Variants in TTC29 observed in about 807,000 individuals in gnomAD.
The protein encoded by TTC29 is tetratricopeptide repeat domain 29, also known as tetratricopeptide repeat protein 29.
Under a neutral mutation model 58.1 loss-of-function variants are expected in TTC29, and 49 were observed. That is an observed-to-expected ratio of 0.84 (90% confidence interval 0.67 to 1.07). The LOEUF (loss-of-function observed/expected upper bound fraction) is 1.07. TTC29 is among the 50% of genes least tolerant of loss of function. The probability of loss-of-function intolerance (pLI) is 0.00; values close to 1 mark genes in which losing one functional copy is unlikely to be tolerated. For missense variants in TTC29, 582 were observed against 555.6 expected, an observed-to-expected ratio of 1.05 and a Z score of -0.48; for synonymous variants, 209 against 196.8, an observed-to-expected ratio of 1.06 and a Z score of -0.52.
intron 11 of TTC29, among the ~76,000 whole-genome samples, chr4:146,751,779 A>T (rs904013356): frequency 2.0e-5 from 3 of 152,188 alleles, no homozygotes; most frequent in African/African-American, 7.2e-5. Flanking sequence ...GTTTAACATT[A>T]TACCTCCAGG....
chr4:146,839,879 AAGG>A (rs1414956724), intron 8 of TTC29, among the ~76,000 whole-genome samples: 2 of 151,984 alleles, frequency 1.3e-5, no homozygotes, highest in Non-Finnish European at 2.9e-5. Context: ...GATAGAAAAA[AAGG>A]AGTTGACTGA....
At chr4:146,845,084 T>C (rs927675021) in intron 8 of TTC29, among the ~76,000 whole-genome samples, 1 of 152,152 alleles carries the variant, frequency 6.6e-6, no homozygotes, top group Admixed American at 6.5e-5. Context: ...TTGCTTCTCC[T>C]GGGAATTCGT....
At chr4:146,814,818 T>G (rs955852178) in intron 10 of TTC29, among the ~76,000 whole-genome samples, 5 of 150,870 alleles carry the variant, frequency 3.3e-5, no homozygotes, top group African/African-American at 9.8e-5. Context: ...AGAGGTGGCA[T>G]TGAACAGAGA....
intron 11 of TTC29, among the ~76,000 whole-genome samples, chr4:146,802,955 G>A (rs933006346): frequency 1.3e-5 from 2 of 151,950 alleles, no homozygotes; most frequent in African/African-American, 4.8e-5. Context: ...CAATTCTATT[G>A]AATAAGAAAA....
rs192814886 is a variant in TTC29 at position 146,930,565 on chromosome 4, G to A, written c.176+7029C>T. Among the ~76,000 whole-genome samples, 68 of 152,290 alleles carry A rather than the reference G, an allele frequency of 4.5e-4. No individual in the cohort carries two copies. In the East Asian group the frequency reaches 6.7e-3, roughly 15 times the overall value. On this transcript the variant is annotated intron_variant, in intron 4 of 12. Coordinates refer to ENST00000325106, the MANE Select transcript of TTC29 (RefSeq NM_031956.4). ...CAATATAGAAAACAGAACAGGATAC[G>A]GGTATAGGCCAGGGAGATGATTTCT...
chr4:146,751,372 A>G (rs1481821190), intron 11 of TTC29, among the ~76,000 whole-genome samples: 2 of 152,244 alleles, frequency 1.3e-5, no homozygotes, highest in Non-Finnish European at 2.9e-5. Context: ...ACTTACAAAC[A>G]TATACAGAAC....
intron 11 of TTC29, among the ~76,000 whole-genome samples, chr4:146,770,916 G>C (rs1747675120): frequency 6.6e-6 from 1 of 152,026 alleles, no homozygotes; most frequent in Non-Finnish European, 1.5e-5. Context: ...ACATTTGTAA[G>C]AATAAATGAG....
At chr4:146,888,229 G>T (rs142923509) in intron 6 of TTC29, among the ~76,000 whole-genome samples, 1 of 152,116 alleles carries the variant, frequency 6.6e-6, no homozygotes, top group Non-Finnish European at 1.5e-5. Context: ...CATCCTCTAC[G>T]TAGAACTACA....
At chr4:146,880,783 T>G (rs1731572893) in intron 6 of TTC29, among the ~76,000 whole-genome samples, 2 of 152,094 alleles carry the variant, frequency 1.3e-5, no homozygotes, top group Non-Finnish European at 2.9e-5. Flanking sequence ...TTGATGCACA[T>G]TTTTGATTCT....
At chr4:146,934,992 T>C (rs1735665804) in intron 4 of TTC29, among the ~76,000 whole-genome samples, 1 of 152,008 alleles carries the variant, frequency 6.6e-6, no homozygotes, top group Admixed American at 6.6e-5. Context: ...TAGATCAAAA[T>C]GGGGTAGAAC....
intron 11 of TTC29, among the ~76,000 whole-genome samples, chr4:146,723,619 G>A (rs867770266): frequency 1.3e-5 from 2 of 152,148 alleles, no homozygotes; most frequent in Admixed American, 6.5e-5. Flanking sequence ...GCCAACAAAC[G>A]TATGAGAAAG....
At chr4:146,783,167 A>C (rs1030476973) in intron 11 of TTC29, among the ~76,000 whole-genome samples, 1 of 152,052 alleles carries the variant, frequency 6.6e-6, no homozygotes, top group African/African-American at 2.4e-5. Flanking sequence ...ATACGCATAC[A>C]TTGTGGAATG....
chr4:146,757,335 C>T (rs1746528814), intron 11 of TTC29, among the ~76,000 whole-genome samples: 1 of 152,126 alleles, frequency 6.6e-6, no homozygotes, highest in African/African-American at 2.4e-5. Flanking sequence ...GTGAGTCTCC[C>T]TGGCTCCAGG....
At chr4:146,876,934 CAAAAAAAAAAA>C (rs776037799) in intron 6 of TTC29, among the ~76,000 whole-genome samples, 4 of 59,192 alleles carry the variant, frequency 6.8e-5, no homozygotes, top group Non-Finnish European at 9.4e-5. Context: ...GACTCCATCT[CAAAAAAAAAAA>C]AAAAAAAAAG....
At chr4:146,810,684 A>G (rs534149635) in intron 10 of TTC29, among the ~76,000 whole-genome samples, 142 of 140,784 alleles carry the variant, frequency 1.0e-3, no homozygotes, top group African/African-American at 3.7e-3. Context: ...TCTGTCTCCC[A>G]GGTTCAAGCG....
At chr4:146,859,498 CTA>C (rs1277295279) in intron 8 of TTC29, among the ~76,000 whole-genome samples, 1 of 152,112 alleles carries the variant, frequency 6.6e-6, no homozygotes, top group Non-Finnish European at 1.5e-5. Context: ...CTTTCCCAGA[CTA>C]TGAATTCTGG....
At chr4:146,929,610 A>AT (rs2150315896) in intron 4 of TTC29, among the ~76,000 whole-genome samples, 1 of 152,182 alleles carries the variant, frequency 6.6e-6, no homozygotes, top group East Asian at 1.9e-4. Flanking sequence ...TATGTAGGCT[A>AT]TTTTTCTGGA....
At chr4:146,941,755 C>G (rs1736418077) in intron 2 of TTC29, among the ~76,000 whole-genome samples, 1 of 152,138 alleles carries the variant, frequency 6.6e-6, no homozygotes, top group Non-Finnish European at 1.5e-5. Context: ...ATAGAATTGA[C>G]ACGATCTGAC....
chr4:146,864,543 G>A (rs1054570602), intron 8 of TTC29, among the ~76,000 whole-genome samples: 2 of 152,118 alleles, frequency 1.3e-5, no homozygotes, highest in African/African-American at 4.8e-5. Flanking sequence ...CAAACTAAAT[G>A]ACTTAAAATA....
Sources: gnomAD v4.1 joint callset for allele counts (sites outside exome capture counted in the v4.1 genomes callset) on GRCh38, gnomAD v4.1.1 for gene constraint, MANE v1.5 for transcripts, NCBI Gene and HGNC (gene_info 2026-07-23, HGNC 2026-07-21) for gene names.